Variants in ATG10 observed in about 807,000 individuals in gnomAD.
The protein encoded by ATG10 is ubiquitin-like-conjugating enzyme ATG10.
ATG10 carries 30 observed loss-of-function variants against 32.1 expected under a neutral mutation model. The observed-to-expected ratio is 0.94, with a 90% CI of 0.70 to 1.27. The LOEUF (loss-of-function observed/expected upper bound fraction) is 1.27. Among genes scored for constraint, ATG10 ranks in the 50% most tolerant of loss-of-function variants. ATG10 has a pLI of 0.00. For synonymous variants in ATG10, 87 were observed against 91.5 expected, an observed-to-expected ratio of 0.95 and a Z score of 0.28; for missense variants, 233 against 262.3, an observed-to-expected ratio of 0.89 and a Z score of 0.77.
At chr5:82,107,893 CT>C (rs1765490768) in intron 3 of ATG10, among the ~76,000 whole-genome samples, 1 of 151,972 alleles carries the variant, frequency 6.6e-6, no homozygotes, top group African/African-American at 2.4e-5. Context: ...TTGAATTGGA[CT>C]TTGAATAAGA....
At chr5:82,065,481 C>CAA (rs770536685) in intron 3 of ATG10, among the ~76,000 whole-genome samples, 3 of 119,488 alleles carry the variant, frequency 2.5e-5, no homozygotes, top group Admixed American at 8.6e-5. Context: ...GACATTGTCT[C>CAA]AAAAAAAAAA....
intron 2 of ATG10, among the ~76,000 whole-genome samples, chr5:82,022,805 A>G (rs1762480962): frequency 6.6e-6 from 1 of 152,008 alleles, no homozygotes; most frequent in Non-Finnish European, 1.5e-5. Flanking sequence ...TGTCCAGGTT[A>G]CATAGTATTT....
intron 5 of ATG10, among the ~76,000 whole-genome samples, chr5:82,237,999 T>C (rs1746634278): frequency 6.6e-6 from 1 of 152,184 alleles, no homozygotes; most frequent in African/African-American, 2.4e-5. Flanking sequence ...AAAATAGTGA[T>C]TAAGTTTCAG....
At chr5:82,252,711 A>T in intron 6 of ATG10, 52 bp downstream of exon 6, 1 of 1,058,698 alleles carries the variant, frequency 9.4e-7, no homozygotes, top group Non-Finnish European at 1.4e-6. Context: ...TTAAAAGTGT[A>T]AATCTTTTTA....
chr5:81,999,181 C>G (rs1365178707), intron 2 of ATG10, among the ~76,000 whole-genome samples: 2 of 147,660 alleles, frequency 1.4e-5, no homozygotes, highest in Non-Finnish European at 3.0e-5. Context: ...CAAAATCATA[C>G]CAACCACACT....
intron 3 of ATG10, among the ~76,000 whole-genome samples, chr5:82,150,946 G>C (rs1384832377): frequency 1.3e-5 from 2 of 152,132 alleles, no homozygotes; most frequent in Non-Finnish European, 2.9e-5. Flanking sequence ...CAGATCAGAG[G>C]GCTGGATTTA....
intron 3 of ATG10, among the ~76,000 whole-genome samples, chr5:82,157,977 G>A (rs890746251): frequency 6.6e-6 from 1 of 152,142 alleles, no homozygotes; most frequent in Non-Finnish European, 1.5e-5. Flanking sequence ...TAGAAGAAAA[G>A]TTTTTCTTCC....
intron 3 of ATG10, among the ~76,000 whole-genome samples, chr5:82,142,327 C>A (rs1406369900): frequency 1.3e-5 from 2 of 152,044 alleles, no homozygotes; most frequent in African/African-American, 4.8e-5. Flanking sequence ...GTCCAAGTTT[C>A]CTAAAAAGTA....
At chr5:82,088,873 G>A (rs546487362) in intron 3 of ATG10, among the ~76,000 whole-genome samples, 162 of 152,106 alleles carry the variant, frequency 1.1e-3, no homozygotes, top group African/African-American at 3.6e-3. Context: ...TTAGATAGAC[G>A]GATTTAATGT....
chr5:81,983,246 C>A (rs1189592727), intron 1 of ATG10, among the ~76,000 whole-genome samples: 17 of 147,002 alleles, frequency 1.2e-4, no homozygotes, highest in African/African-American at 3.2e-4. Flanking sequence ...CCCCCCCCCC[C>A]ACCTCCCTCC....
intron 2 of ATG10, among the ~76,000 whole-genome samples, chr5:81,997,350 C>T (rs1761697778): frequency 6.6e-6 from 1 of 152,172 alleles, no homozygotes; most frequent in African/African-American, 2.4e-5. Flanking sequence ...CCCAACCCCT[C>T]AGAATTAGAG....
At chr5:82,212,607 A>T (rs1329436803) in intron 5 of ATG10, among the ~76,000 whole-genome samples, 1 of 152,240 alleles carries the variant, frequency 6.6e-6, no homozygotes, top group Non-Finnish European at 1.5e-5. Flanking sequence ...GCAAAGATAT[A>T]AAAGTTTGAA....
chr5:82,230,279 G>A (rs992449145), intron 5 of ATG10, among the ~76,000 whole-genome samples: 6 of 152,070 alleles, frequency 3.9e-5, no homozygotes, highest in Admixed American at 3.3e-4. Context: ...AGTTTGTATT[G>A]GTGGCAATAA....
intron 1 of ATG10, among the ~76,000 whole-genome samples, chr5:81,973,649 A>G (rs1301456101): frequency 6.6e-6 from 1 of 152,240 alleles, no homozygotes; most frequent in Non-Finnish European, 1.5e-5. Context: ...TATGCTTCTC[A>G]GGATGGAAGG....
At chr5:82,010,185 G>GT in intron 2 of ATG10, 2 of 1,056,902 alleles carry the variant, frequency 1.9e-6, no homozygotes, top group South Asian at 2.9e-5. Context: ...ATGTTTCCAA[G>GT]TACAGACAAA....
chr5:82,141,543 T>G (rs1767138197), intron 3 of ATG10, among the ~76,000 whole-genome samples: 1 of 151,958 alleles, frequency 6.6e-6, no homozygotes, highest in South Asian at 2.1e-4. Flanking sequence ...AAATTATCAT[T>G]TAAAAGTATC....
intron 3 of ATG10, among the ~76,000 whole-genome samples, chr5:82,136,247 T>C (rs1766739151): frequency 6.6e-6 from 1 of 152,224 alleles, no homozygotes; most frequent in Non-Finnish European, 1.5e-5. Flanking sequence ...TATTGTTATA[T>C]GTGAATTTGA....
At chr5:82,192,411 A>G (rs1744699115) in intron 5 of ATG10, among the ~76,000 whole-genome samples, 1 of 152,184 alleles carries the variant, frequency 6.6e-6, no homozygotes, top group Non-Finnish European at 1.5e-5. Flanking sequence ...TTGCAACTGA[A>G]CATTGACTGA....
intron 5 of ATG10, among the ~76,000 whole-genome samples, chr5:82,190,877 T>A (rs1744638203): frequency 6.6e-6 from 1 of 151,902 alleles, no homozygotes; most frequent in Non-Finnish European, 1.5e-5. Context: ...CTGAGTTTTT[T>A]AAAAATGTGC....
Sources: allele counts gnomAD v4.1 joint callset (sites outside exome capture counted in the v4.1 genomes callset), GRCh38; gene constraint gnomAD v4.1.1; transcripts MANE v1.5; gene names NCBI Gene and HGNC (gene_info 2026-07-23, HGNC 2026-07-21).